REEP3: variants seen among roughly 807,000 people sequenced by gnomAD.
REEP3 encodes the protein receptor expression-enhancing protein 3.
In REEP3, 20 loss-of-function variants were observed where a neutral mutation model predicts 41.3. The ratio of observed to expected loss-of-function variants is 0.48; its 90% CI spans 0.34 to 0.70. The LOEUF is 0.70. Among genes scored for constraint, REEP3 ranks in the 30% least tolerant of loss-of-function variants. REEP3 has a pLI of 0.01. For missense variants in REEP3, 271 were observed against 308.8 expected (o/e 0.88, Z 0.92); for synonymous variants, 104 against 101.8 (o/e 1.02, Z -0.13).
intron 2 of REEP3, among the ~76,000 whole-genome samples, chr10:63,586,236 A>C (rs1956005491): frequency 6.6e-6 from 1 of 152,172 alleles, no homozygotes; most frequent in Non-Finnish European, 1.5e-5. Context: ...GGATTTCTGA[A>C]ATGCTAAGTC....
chr10:63,552,748 C>G (rs540227618), intron 1 of REEP3, among the ~76,000 whole-genome samples: 1 of 152,286 alleles, frequency 6.6e-6, no homozygotes, highest in Non-Finnish European at 1.5e-5. Context: ...AGGATCATCC[C>G]AGACTGCCTT....
chr10:63,603,748 G>T (rs1347405477), intron 5 of REEP3, among the ~76,000 whole-genome samples: 2 of 152,096 alleles, frequency 1.3e-5, no homozygotes, highest in African/African-American at 4.8e-5. Context: ...ACCCCATCCT[G>T]GAGTCTATAT....
At position 63,621,002 on chromosome 10, in the gene REEP3, A is replaced by G; in HGVS notation, c.*133A>G. On this transcript the variant is annotated 3_prime_UTR_variant, in exon 8 of 8. Transcript: ENST00000373758. ...GGCAGTGATGGGGTTTACTTTCATG[A>G]ATTTAAATTGTTTTTATTTCTGTAA... 5.5e-6 allele frequency: 3 copies of G among 540,550 alleles called. No individual in the cohort carries two copies. The highest frequency in any genetic ancestry group is 9.5e-6 in the Non-Finnish European group (3 of 315,632). 33.5% of individuals were successfully genotyped at this position (540,550 alleles called of 1,614,324 possible).
chr10:63,543,272 C>T (rs887723956), intron 1 of REEP3, among the ~76,000 whole-genome samples: 1 of 152,068 alleles, frequency 6.6e-6, no homozygotes, highest in Non-Finnish European at 1.5e-5. Flanking sequence ...GTTTTAATAA[C>T]ATGGAAAACT....
rs769319163 is a variant in REEP3 at position 63,594,816 on chromosome 10, T to C, written c.144T>C (p.Tyr48=). Residue 48 remains tyrosine, a synonymous_variant, in exon 3 of 8, where the codon TAT becomes TAC. Transcript: ENST00000373758. ...TGTACTGGATTGTTTTTGCTCTCTATACTGTGATTGAAACAGTAGCCGATC... is the reference window on the plus strand; with the variant it reads ...TGTACTGGATTGTTTTTGCTCTCTACACTGTGATTGAAACAGTAGCCGATC... ...WMMYWIVFAL[Y]TVIETVADQT... The C allele has an allele frequency of 6.2e-7, 1 of 1,612,746 alleles. No individual in the cohort carries two copies. Among genetic ancestry groups the C allele is most frequent in the Non-Finnish European group, 8.5e-7 (1 of 1,178,768 alleles).
rs1413186974 is a variant in REEP3, at chr10:63,620,889, C to G, written c.*20C>G. The G allele has an allele frequency of 4.6e-6, 7 of 1,537,952 alleles. No homozygotes were observed. Among genetic ancestry groups the G allele is most frequent in the Non-Finnish European group, 6.3e-6 (7 of 1,116,728 alleles). On this transcript the variant is annotated 3_prime_UTR_variant, in exon 8 of 8. Coordinates refer to ENST00000373758, the MANE Select transcript of REEP3 (RefSeq NM_001001330.3). ...TTTTAGTCATCTACACGTCAAATAT[C>G]CCAAGACAGATTATGCTAAATACAT...
chr10:63,614,012 C>T (rs1326160474), intron 6 of REEP3, among the ~76,000 whole-genome samples: 1 of 151,854 alleles, frequency 6.6e-6, no homozygotes, highest in Non-Finnish European at 1.5e-5. Context: ...GGGAAAAAAA[C>T]ATAAAAAAGA....
At chr10:63,606,278 T>TTTCTTTCTTTCTTTCTTC (rs1554808468) in intron 5 of REEP3, among the ~76,000 whole-genome samples, 8 of 147,910 alleles carry the variant, frequency 5.4e-5, no homozygotes, top group Non-Finnish European at 1.2e-4. Flanking sequence ...TTTCTTTCTT[T>TTTCTTTCTTTCTTTCTTC]TTCTTTCTTT....
At chr10:63,552,224 G>A (rs941565788) in intron 1 of REEP3, among the ~76,000 whole-genome samples, 2 of 150,258 alleles carry the variant, frequency 1.3e-5, no homozygotes, top group Non-Finnish European at 3.0e-5. Flanking sequence ...CTAACACGGT[G>A]AAACCCTGTC....
rs1384331662 is a variant in REEP3 at position 63,597,916 on chromosome 10, A to C, written c.183-108A>C. 5.6e-5 allele frequency: 58 copies of C among 1,030,236 alleles called. No individual in the cohort carries two copies. In the East Asian group the frequency reaches 1.5e-3, roughly 27 times the overall value. The allele number at this position is 1,030,236 out of a possible 1,614,324, so 63.8% of individuals were successfully genotyped here. On this transcript the variant is annotated intron_variant, in intron 3 of 7. Transcript: ENST00000373758. Reference sequence around the variant, plus strand: ...GAGCAAAACTCCATCTCAAAAAAAAAAAAACAAAAAACAGCATAGTGACTG... The same window carrying C: ...GAGCAAAACTCCATCTCAAAAAAAACAAAACAAAAAACAGCATAGTGACTG...
chr10:63,609,881 C>T (rs767854305), intron 5 of REEP3, among the ~76,000 whole-genome samples: 1 of 152,184 alleles, frequency 6.6e-6, no homozygotes, highest in Non-Finnish European at 1.5e-5. Flanking sequence ...ATGCTGTTTA[C>T]TCTGAGGGTA....
chr10:63,583,979 T>C (rs1156673422), intron 2 of REEP3, among the ~76,000 whole-genome samples: 1 of 152,220 alleles, frequency 6.6e-6, no homozygotes, highest in East Asian at 1.9e-4. Flanking sequence ...TTAATTATCA[T>C]CTAATTTTTT....
chr10:63,602,336 C>T (rs556213449), intron 5 of REEP3, among the ~76,000 whole-genome samples: 3 of 152,222 alleles, frequency 2.0e-5, no homozygotes, highest in South Asian at 4.2e-4. Context: ...GGAGTTGCAT[C>T]GGCAGCGGAT....
intron 1 of REEP3, among the ~76,000 whole-genome samples, chr10:63,540,581 C>A (rs544659536): frequency 5.9e-4 from 90 of 152,242 alleles, no homozygotes; most frequent in Non-Finnish European, 1.2e-3. Context: ...TCTACCATAG[C>A]AGAAAGACAG....
At chr10:63,532,865 A>G (rs1160416246) in intron 1 of REEP3, among the ~76,000 whole-genome samples, 1 of 152,106 alleles carries the variant, frequency 6.6e-6, no homozygotes, top group Non-Finnish European at 1.5e-5. Flanking sequence ...GGATCGTGCC[A>G]CTGTACTCCA....
At chr10:63,526,255 C>A (rs1448502942) in intron 1 of REEP3, among the ~76,000 whole-genome samples, 2 of 152,042 alleles carry the variant, frequency 1.3e-5, no homozygotes, top group Non-Finnish European at 2.9e-5. Flanking sequence ...TTAGTATCTT[C>A]TGTTTGATCA....
At chr10:63,602,638 T>C (rs965291139) in intron 5 of REEP3, among the ~76,000 whole-genome samples, 3 of 152,198 alleles carry the variant, frequency 2.0e-5, no homozygotes, top group African/African-American at 7.2e-5. Flanking sequence ...AATCTATTAT[T>C]CTCCTATTTT....
chr10:63,584,225 C>T (rs1226241628), intron 2 of REEP3, among the ~76,000 whole-genome samples: 2 of 152,042 alleles, frequency 1.3e-5, no homozygotes, highest in African/African-American at 4.8e-5. Context: ...AGGTATTTGG[C>T]AGTGATAATT....
At chr10:63,594,316 G>A (rs536969416) in intron 2 of REEP3, among the ~76,000 whole-genome samples, 170 of 152,112 alleles carry the variant, frequency 1.1e-3, no homozygotes, top group Non-Finnish European at 2.2e-3. Flanking sequence ...TGCACTGGAA[G>A]GTCAAGGCTG....
Sources: gnomAD v4.1 joint callset for allele counts (sites outside exome capture counted in the v4.1 genomes callset) on GRCh38, gnomAD v4.1.1 for gene constraint, MANE v1.5 for transcripts, NCBI Gene and HGNC (gene_info 2026-07-23, HGNC 2026-07-21) for gene names.